The following TULP3 variants were observed in gnomAD, a reference collection of about 807,000 sequenced individuals.
The protein encoded by TULP3 is tubby-related protein 3.
Under a neutral mutation model 50.7 loss-of-function variants are expected in TULP3, and 38 were observed. That is an observed-to-expected ratio of 0.75 (90% CI 0.58 to 0.98). The LOEUF is 0.98. TULP3 is among the 50% of genes least tolerant of loss of function. TULP3 has a pLI of 0.00. For synonymous variants in TULP3, 183 were observed against 196.6 expected, an observed-to-expected ratio of 0.93 and a Z score of 0.58; for missense variants, 550 against 568.0, an observed-to-expected ratio of 0.97 and a Z score of 0.32.
chr12:2,922,401 T>C lies in TULP3; in HGVS notation c.393T>C (p.His131=). 1.2e-6 allele frequency: 2 copies of C among 1,608,150 alleles called. No homozygotes were observed. Among genetic ancestry groups the C allele is most frequent in the Non-Finnish European group, 1.7e-6 (2 of 1,178,724 alleles). Residue 131 remains histidine, a splice_region_variant and synonymous_variant, in exon 4 of 11, where the codon CAT becomes CAC. Transcript: ENST00000448120. ...GACTTCAGGAGCGTCTCCAAAAGCA[T>C]GGTGAGGACTGGTAATGATTTTAAG... ...KPGLQERLQK[H]DISESVNFDE...
intron 5 of TULP3, among the ~76,000 whole-genome samples, chr12:2,930,549 G>T (rs368068178): frequency 2.0e-5 from 3 of 151,912 alleles, no homozygotes; most frequent in Non-Finnish European, 4.4e-5. Context: ...TCAATCTCCC[G>T]AGTAGCTGGG....
chr12:2,934,360 A>G, intron 7 of TULP3, 87 bp from the exon 8 acceptor site: 1 of 800,302 alleles, frequency 1.2e-6, no homozygotes, highest in East Asian at 3.0e-5. Context: ...AAACAGGCAA[A>G]TAGGCTTCCA....
chr12:2,936,620 C>T (rs1027527103), intron 8 of TULP3, among the ~76,000 whole-genome samples: 5 of 150,522 alleles, frequency 3.3e-5, no homozygotes, highest in African/African-American at 7.3e-5. Flanking sequence ...GGTGTGGTGG[C>T]GCATGCCTAT....
chr12:2,898,686 T>C (rs891327306), intron 1 of TULP3, among the ~76,000 whole-genome samples: 18 of 152,132 alleles, frequency 1.2e-4, no homozygotes, highest in Non-Finnish European at 1.9e-4. Context: ...AGTGATAATT[T>C]CTTTTGGGCT....
At position 2,939,311 on chromosome 12, in the gene TULP3, C is replaced by G. The variant is rs777941550; in HGVS notation, c.1196C>G (p.Pro399Arg). The G allele has an allele frequency of 1.2e-5, 20 of 1,613,130 alleles. No homozygotes were observed. Among genetic ancestry groups the G allele is most frequent in the African/African-American group, 5.3e-5 (4 of 74,912 alleles). Residue 399 changes from proline (P) to arginine (R), a missense_variant and splice_region_variant, in exon 11 of 11, where the codon CCT (proline) becomes CGT (arginine). Pro to Arg is a moderately radical substitution (Grantham distance 103). Transcript: ENST00000448120. This position sits in a 1 kb window ranked among gnomAD's most constrained non-coding sequence, Gnocchi z 4.0. ...KNFQIVHKND[P>R]DYIVMQFGRV... ...CATGTTGATTTCTTTCTGTTTCTAG[C>G]TGATTATATAGTCATGCAGTTTGGA...
chr12:2,901,008 T>C (rs1242984690), intron 1 of TULP3, among the ~76,000 whole-genome samples: 1 of 151,560 alleles, frequency 6.6e-6, no homozygotes, highest in African/African-American at 2.4e-5. Flanking sequence ...TGCCTGGCCA[T>C]GTTGTGGTTT....
rs1565505796 is a variant in TULP3 at position 2,927,365 on chromosome 12, G to GTTTTTTTTTT, written c.395-2883_395-2882insTTTTTTTTTT. Among the ~76,000 whole-genome samples, 2 of 70,810 alleles carry GTTTTTTTTTT rather than the reference G, an allele frequency of 2.8e-5. 1 individual carries two copies. Among genetic ancestry groups the GTTTTTTTTTT allele is most frequent in the African/African-American group, 1.3e-4 (2 of 15,106 alleles). The allele number at this position is 70,810 out of a possible 152,430, so 46.5% of individuals were successfully genotyped here. A position where few individuals can be genotyped will look rare whatever the true frequency, so the allele number is the denominator to read the frequency against. On this transcript the variant is annotated intron_variant, in intron 4 of 10. Coordinates refer to ENST00000448120, the MANE Select transcript of TULP3 (RefSeq NM_003324.5). Reference sequence around the variant, plus strand: ...TGGACCTATGTTTTCAGTTGAGACTGATTTTTTTTTTTTTTTTTTGAGACC... The same window carrying GTTTTTTTTTT: ...TGGACCTATGTTTTCAGTTGAGACTGTTTTTTTTTTATTTTTTTTTTTTTTTTTTGAGACC...
At chr12:2,901,585 G>A (rs1374492650) in intron 1 of TULP3, among the ~76,000 whole-genome samples, 1 of 151,876 alleles carries the variant, frequency 6.6e-6, no homozygotes, top group African/African-American at 2.4e-5. Flanking sequence ...ATTTCACCAT[G>A]TTGGCCAGGC....
At chr12:2,913,812 T>C (rs1349597773) in intron 2 of TULP3, among the ~76,000 whole-genome samples, 1 of 152,064 alleles carries the variant, frequency 6.6e-6, no homozygotes, top group Admixed American at 6.6e-5. Context: ...GGTTACACCA[T>C]ATTGGTCAGG....
intron 2 of TULP3, among the ~76,000 whole-genome samples, chr12:2,913,618 T>G (rs1183036051): frequency 6.6e-6 from 1 of 151,904 alleles, no homozygotes; most frequent in Non-Finnish European, 1.5e-5. Context: ...TTTTATTTAT[T>G]TATTTTTTCT....
chr12:2,923,743 G>C (rs1412803319), intron 4 of TULP3, among the ~76,000 whole-genome samples: 1 of 151,842 alleles, frequency 6.6e-6, no homozygotes, highest in Non-Finnish European at 1.5e-5. Context: ...AGGCTGAGGC[G>C]GGCAGATCAC....
intron 6 of TULP3, among the ~76,000 whole-genome samples, chr12:2,932,937 A>ATTTTTT (rs2098198967): frequency 6.7e-6 from 1 of 149,526 alleles, no homozygotes; most frequent in Admixed American, 6.7e-5. Context: ...GAATTATTTT[A>ATTTTTT]TTTTTATTTT....
chr12:2,924,961 AG>A (rs2153949825), intron 4 of TULP3, among the ~76,000 whole-genome samples: 1 of 152,294 alleles, frequency 6.6e-6, no homozygotes, highest in South Asian at 2.1e-4. Flanking sequence ...GCGGATCACA[AG>A]GTCAGGAGAT....
At position 2,933,046 on chromosome 12, in the gene TULP3, C is replaced by A. The variant is rs530203486; in HGVS notation, c.697-372C>A. On this transcript the variant is annotated intron_variant, in intron 6 of 10. Transcript: ENST00000448120. ...CAAGCTCCGCCTCCTGGGTTCATGC[C>A]ATTCTCCTGCCTCAGCCTCCTGAGT... 2.6e-5 allele frequency among the ~76,000 whole-genome samples: 4 copies of A among 152,058 alleles called. No homozygotes were observed. The South Asian group carries it at 6.2e-4, about 24-fold the overall frequency.
intron 1 of TULP3, among the ~76,000 whole-genome samples, chr12:2,900,091 C>G (rs562408619): frequency 6.6e-6 from 1 of 151,708 alleles, no homozygotes; most frequent in Non-Finnish European, 1.5e-5. Context: ...CAGGCGTGGT[C>G]GCACTCCTGT....
intron 2 of TULP3, among the ~76,000 whole-genome samples, chr12:2,920,396 C>T (rs570351382): frequency 1.3e-5 from 2 of 152,180 alleles, no homozygotes; most frequent in South Asian, 4.2e-4. Flanking sequence ...GTAGTCCCAG[C>T]TCTTCAGGAG....
chr12:2,898,243 CTG>C (rs923860321), intron 1 of TULP3, among the ~76,000 whole-genome samples: 6 of 152,190 alleles, frequency 3.9e-5, no homozygotes, highest in Admixed American at 1.3e-4. Flanking sequence ...GTACTGGGAA[CTG>C]TGCTGTAACC....
chr12:2,900,877 T>C (rs1423051639), intron 1 of TULP3, among the ~76,000 whole-genome samples: 7 of 38,024 alleles, frequency 1.8e-4, no homozygotes, highest in Non-Finnish European at 3.2e-4. Flanking sequence ...GCCGAAATAC[T>C]TTTTTTTTTT....
rs74054786 is a variant in TULP3 at position 2,896,562 on chromosome 12, C to T, written c.41+5574C>T. Among the ~76,000 whole-genome samples the T allele has an allele frequency of 2.7e-3, 409 of 152,226 alleles. 3 individuals carry two copies. The highest frequency in any genetic ancestry group is 9.3e-3 in the African/African-American group (388 of 41,546). ...AGCTGTTTGACCTTTAGAATATGAA[C>T]TATAGTTGTAAGTTTAAAATTGCTT... On this transcript the variant is annotated intron_variant, in intron 1 of 10. Transcript: ENST00000448120.
Sources: allele counts gnomAD v4.1 joint callset (sites outside exome capture counted in the v4.1 genomes callset), GRCh38; gene constraint gnomAD v4.1.1; non-coding constraint Gnocchi (gnomAD v3.1); transcripts MANE v1.5; gene names NCBI Gene and HGNC (gene_info 2026-07-23, HGNC 2026-07-21).